The following CELA1 variants were observed in gnomAD, a reference collection of about 807,000 sequenced individuals.
The protein encoded by CELA1 is chymotrypsin-like elastase family member 1.
A neutral mutation model predicts 34.8 loss-of-function variants in CELA1; 28 were observed. The observed-to-expected ratio is 0.80, with a 90% CI of 0.60 to 1.10. The LOEUF (loss-of-function observed/expected upper bound fraction) is 1.10, where lower values mean the gene tolerates loss of function less well. CELA1 is among the 50% of genes least tolerant of loss of function. The probability of loss-of-function intolerance (pLI) is 0.00; values close to 1 mark genes in which losing one functional copy is unlikely to be tolerated. For synonymous variants in CELA1, 140 were observed against 129.8 expected, an observed-to-expected ratio of 1.08 and a Z score of -0.53; for missense variants, 288 against 327.5, an observed-to-expected ratio of 0.88 and a Z score of 0.93.
chr12:51,346,630 G>GAA lies in CELA1; in HGVS notation c.8_9insTT (p.Leu4SerfsTer17). ...TGGACCATATCCACTTACCATAAAGGACCAGCATGTTGCCGATGGAGTAGA... is the reference window on the plus strand; with the variant it reads ...TGGACCATATCCACTTACCATAAAGGAAACCAGCATGTTGCCGATGGAGTAGA... On this transcript the variant is annotated frameshift_variant, in exon 1 of 8. Transcript: ENST00000293636. LOFTEE classifies it high-confidence loss of function. The GAA allele has an allele frequency of 6.7e-7, 1 of 1,491,878 alleles. No individual in the cohort carries two copies. The highest frequency in any genetic ancestry group is 9.0e-7 in the Non-Finnish European group (1 of 1,115,456). 92.4% of individuals were successfully genotyped at this position (1,491,878 alleles called of 1,614,324 possible).
chr12:51,334,852 C>T (rs891366689), intron 6 of CELA1, among the ~76,000 whole-genome samples: 13 of 152,148 alleles, frequency 8.5e-5, no homozygotes, highest in African/African-American at 2.7e-4. Flanking sequence ...TGCAGGAAAC[C>T]GTCTTTGAGT....
chr12:51,342,518 T>C, intron 4 of CELA1, 57 bp downstream of exon 4: 1 of 1,611,666 alleles, frequency 6.2e-7, no homozygotes, highest in South Asian at 1.1e-5. Flanking sequence ...AGGCAGCCAG[T>C]TGTTGGCTAG....
chr12:51,331,287 G>A (rs985245393), intron 6 of CELA1, among the ~76,000 whole-genome samples: 2 of 152,208 alleles, frequency 1.3e-5, no homozygotes, highest in Non-Finnish European at 2.9e-5. Flanking sequence ...TACTCAGGAG[G>A]CTGAGGCAGG....
At position 51,333,469 on chromosome 12, in the gene CELA1, C is replaced by T. The variant is rs140792622; in HGVS notation, c.610-3636G>A. ...AGTGCAGTGGTATGATCATAGCTCA[C>T]CACAGTCCCAATCTCCTGGGCTCAA... is the stretch of plus-strand genomic sequence containing the variant. On this transcript the variant is annotated intron_variant, in intron 6 of 7. Coordinates refer to ENST00000293636, the MANE Select transcript of CELA1 (RefSeq NM_001971.6). Among the ~76,000 whole-genome samples, 489 of 151,062 alleles carry T rather than the reference C, an allele frequency of 3.2e-3. 1 individual carries two copies. Among genetic ancestry groups the T allele is most frequent in the African/African-American group, 0.011 (473 of 41,208 alleles).
intron 7 of CELA1, 147 bp downstream of exon 7, chr12:51,329,537 C>T: frequency 1.2e-6 from 1 of 823,358 alleles, no homozygotes; most frequent in Non-Finnish European, 1.9e-6. Context: ...GGAAAGTACA[C>T]CGTGGAAGGA....
rs772973965 is a variant in CELA1, at chr12:51,339,956, C to A, written c.513G>T (p.Val171=). Residue 171 remains valine (V), a synonymous_variant, in exon 6 of 8, where the codon GTG becomes GTT. Coordinates refer to ENST00000293636, the MANE Select transcript of CELA1 (RefSeq NM_001971.6). ...QTLQQAYLPS[V]DYAICSSSSY... Reference sequence around the variant, plus strand: ...AGGAGCTGGAGCAGATGGCGTAGTCCACAGAGGGCAGGTAAGCCTGCTGCA... The same window carrying A: ...AGGAGCTGGAGCAGATGGCGTAGTCAACAGAGGGCAGGTAAGCCTGCTGCA... 6.2e-7 allele frequency: 1 copy of A among 1,614,084 alleles called. No individual in the cohort carries two copies. Among genetic ancestry groups the A allele is most frequent in the Non-Finnish European group, 8.5e-7 (1 of 1,179,994 alleles).
Position 51,329,814 on chromosome 12 carries a change from A to AGG in CELA1, c.627_628dup (p.Leu210ProfsTer6), listed in dbSNP as rs17860363. 6.2e-7 allele frequency: 1 copy of AGG among 1,611,168 alleles called. No individual in the cohort carries two copies. Among genetic ancestry groups the AGG allele is most frequent in the East Asian group, 2.2e-5 (1 of 44,764 alleles). ...ATACTTGCCATTCACCAAGCAATGG[A>AGG]GGGGGCCCCCAGAGTCACCCTGCAG... On this transcript the variant is annotated frameshift_variant, in exon 7 of 8. Coordinates refer to ENST00000293636, the MANE Select transcript of CELA1 (RefSeq NM_001971.6). LOFTEE classifies it high-confidence loss of function.
At chr12:51,329,903 C>A in intron 6 of CELA1, 70 bp from the exon 7 acceptor site, 7 of 1,423,524 alleles carry the variant, frequency 4.9e-6, no homozygotes, top group Non-Finnish European at 6.6e-6. Context: ...CCCCCGCCCC[C>A]GTCTCTGGTT....
chr12:51,337,975 C>G (rs1240996844), intron 6 of CELA1, among the ~76,000 whole-genome samples: 1 of 151,454 alleles, frequency 6.6e-6, no homozygotes, highest in Non-Finnish European at 1.5e-5. Flanking sequence ...CCTGTAATCC[C>G]AGCACTTTGG....
Position 51,329,821 on chromosome 12 carries a change from C to T in CELA1, c.622G>A (p.Gly208Ser). Residue 208 changes from glycine (G) to serine (S), a missense_variant, in exon 7 of 8, where the codon GGC (glycine) becomes AGC (serine). Coordinates refer to ENST00000293636, the MANE Select transcript of CELA1 (RefSeq NM_001971.6). ...CCATTCACCAAGCAATGGAGGGGGC[C>T]CCCAGAGTCACCCTGCAGGGAGGAG... ...VRSGCQGDSG[G>S]PLHCLVNGKY... 1 of 1,611,210 alleles carries T rather than the reference C, an allele frequency of 6.2e-7. No individual in the cohort carries two copies. The highest frequency in any genetic ancestry group is 8.5e-7 in the Non-Finnish European group (1 of 1,178,936).
chr12:51,333,578 A>G lies in CELA1; in HGVS notation c.610-3745T>C, dbSNP rs982155420. Among the ~76,000 whole-genome samples, 4 of 151,802 alleles carry G rather than the reference A, an allele frequency of 2.6e-5. No homozygotes were observed. The East Asian group carries it at 7.7e-4, about 29-fold the overall frequency. On this transcript the variant is annotated intron_variant, in intron 6 of 7. Coordinates refer to ENST00000293636, the MANE Select transcript of CELA1 (RefSeq NM_001971.6). ...CGGCTAATTTTTTAAATTTTTGCAG[A>G]GACAGGGTCTCCCTATGTTGCTGAG...
At chr12:51,329,465 C>T (rs1946455409) in intron 7 of CELA1, among the ~76,000 whole-genome samples, 2 of 151,978 alleles carry the variant, frequency 1.3e-5, no homozygotes, top group South Asian at 4.1e-4. Flanking sequence ...ATAAACAATA[C>T]AGTGAAGTCT....
chr12:51,329,729 A>G lies in CELA1; in HGVS notation c.714T>C (p.Pro238=). Residue 238 remains proline (P), a synonymous_variant, in exon 7 of 8, where the codon CCT becomes CCC. Transcript: ENST00000293636. ...SSRGCNVSRK[P]TVFTQVSAYI... ...AAGCAGAGACCTGGGTGAAGACTGT[A>G]GGCTTCCTGGAGACATTACAGCCCC... 6.2e-7 allele frequency: 1 copy of G among 1,614,014 alleles called. No individual in the cohort carries two copies.
chr12:51,336,464 T>A (rs1946500141), intron 6 of CELA1, among the ~76,000 whole-genome samples: 1 of 152,086 alleles, frequency 6.6e-6, no homozygotes, highest in Admixed American at 6.5e-5. Flanking sequence ...CCGTCTCTAC[T>A]AAAAATACAA....
chr12:51,333,387 C>G (rs1382218711), intron 6 of CELA1, among the ~76,000 whole-genome samples: 1 of 141,648 alleles, frequency 7.1e-6, no homozygotes, highest in Non-Finnish European at 1.5e-5. Context: ...AGCCACTGAG[C>G]CCGACTGTTT....
In CELA1 at chr12:51,339,761, G is replaced by T. The variant is rs1946522187; in HGVS notation, c.609+99C>A. The T allele has an allele frequency of 4.8e-6, 6 of 1,237,370 alleles. No homozygotes were observed. The African/African-American group carries it at 7.4e-5, about 15-fold the overall frequency. The allele number at this position is 1,237,370 out of a possible 1,614,324, so 76.6% of individuals were successfully genotyped here. A position where few individuals can be genotyped will look rare whatever the true frequency, so the allele number is the denominator to read the frequency against. On this transcript the variant is annotated intron_variant, in intron 6 of 7. Coordinates refer to ENST00000293636, the MANE Select transcript of CELA1 (RefSeq NM_001971.6). ...CAGAGTAGAAAATTGAGTCTGTGTA[G>T]GACTAAGAGTAAGTGTCGAATAGGG... is the stretch of plus-strand genomic sequence containing the variant.
At chr12:51,341,177 G>A (rs1946532020) in intron 5 of CELA1, 67 bp downstream of exon 5, 1 of 1,569,168 alleles carries the variant, frequency 6.4e-7, no homozygotes, top group Non-Finnish European at 8.8e-7. Flanking sequence ...ACAGAAAAAG[G>A]TGTCTTAGAA....
chr12:51,338,303 CATAT>C (rs56698369), intron 6 of CELA1, among the ~76,000 whole-genome samples: 19,299 of 141,630 alleles, frequency 0.14, 1,899 homozygotes, highest in East Asian at 0.39. Flanking sequence ...CATACGCATA[CATAT>C]ATATATATAT....
At chr12:51,330,328 A>G (rs1946462703) in intron 6 of CELA1, among the ~76,000 whole-genome samples, 1 of 152,216 alleles carries the variant, frequency 6.6e-6, no homozygotes, top group Non-Finnish European at 1.5e-5. Flanking sequence ...AACTGGAATG[A>G]AGAGGAAAGT....
Sources: allele counts gnomAD v4.1 joint callset (sites outside exome capture counted in the v4.1 genomes callset), GRCh38; gene constraint gnomAD v4.1.1; transcripts MANE v1.5; gene names NCBI Gene and HGNC (gene_info 2026-07-23, HGNC 2026-07-21).